ALDOC: variants seen among roughly 807,000 people sequenced by gnomAD.
ALDOC encodes the protein fructose-bisphosphate aldolase C.
A neutral mutation model predicts 39.5 loss-of-function variants in ALDOC; 23 were observed. The ratio of observed to expected loss-of-function variants is 0.58; its 90% CI spans 0.42 to 0.82. The LOEUF (loss-of-function observed/expected upper bound fraction) is 0.82. Ranked by LOEUF, ALDOC falls within the 40% of genes least tolerant of loss-of-function variation. The pLI is 0.00. For missense variants in ALDOC, 356 were observed against 479.1 expected, an observed-to-expected ratio of 0.74 and a Z score of 2.40; for synonymous variants, 160 against 182.6, an observed-to-expected ratio of 0.88 and a Z score of 1.00.
At chr17:28,574,925 T>C (rs780542321) in intron 4 of ALDOC, 27 bp downstream of exon 4, 2 of 1,614,218 alleles carry the variant, frequency 1.2e-6, no homozygotes, top group Non-Finnish European at 1.7e-6. Flanking sequence ...AACACCTCTT[T>C]GGTCCTCAAG....
At chr17:28,576,004 C>A (rs1318651388) in intron 1 of ALDOC, 2 of 1,002,484 alleles carry the variant, frequency 2.0e-6, no homozygotes, top group Admixed American at 5.3e-5. Flanking sequence ...CTTATTGCCA[C>A]CCTCTTCTCT....
rs2070455984 is a variant in ALDOC at position 28,573,860 on chromosome 17, G to T, written c.874C>A (p.Leu292Ile). ...FNLNAINRCP[L>I]PRPWALTFSY... ...AAGGTAAGCGCCCAGGGTCGGGGAA[G>T]GGGGCAGCGGTTGATGGCATTGAGG... The change falls in exon 8 of 9, where the codon CTT becomes ATT. Residue 292 changes from leucine to isoleucine, a missense_variant. Physicochemically the swap from Leu to Ile is conservative, Grantham distance 5. Coordinates refer to ENST00000226253, the MANE Select transcript of ALDOC (RefSeq NM_005165.3). The surrounding 1 kb of genome is among the most constrained non-coding windows in gnomAD (Gnocchi z 4.3). The T allele has an allele frequency of 1.2e-6, 2 of 1,614,254 alleles. No individual in the cohort carries two copies. The highest frequency in any genetic ancestry group is 1.7e-6 in the Non-Finnish European group (2 of 1,180,034).
Position 28,574,719 on chromosome 17 carries a change from G to C in ALDOC, c.517C>G (p.Arg173Gly). 6.2e-7 allele frequency: 1 copy of C among 1,614,172 alleles called. No individual in the cohort carries two copies. Among genetic ancestry groups the C allele is most frequent in the Non-Finnish European group, 8.5e-7 (1 of 1,180,028 alleles). The change falls in exon 5 of 9, where the codon CGT becomes GGT. Residue 173 changes from arginine (R) to glycine (G), a missense_variant. By Grantham distance (125) the Arg-to-Gly change is moderately radical. Transcript: ENST00000226253. ...AILENANVLA[R>G]YASICQQNGI... ...ACCTGCTGGCAGATACTGGCATAAC[G>C]GGCCAGCACGTTGGCGTTCTCCAGA...
chr17:28,575,760 C>A lies in ALDOC; in HGVS notation c.-12-216G>T. 2 of 693,406 alleles carry A rather than the reference C, an allele frequency of 2.9e-6. No individual in the cohort carries two copies. Among genetic ancestry groups the A allele is most frequent in the Non-Finnish European group, 4.6e-6 (2 of 438,732 alleles). 43.0% of individuals were successfully genotyped at this position (693,406 alleles called of 1,614,324 possible). On this transcript the variant is annotated intron_variant, in intron 1 of 8. Transcript: ENST00000226253. This position sits in a 1 kb window ranked among gnomAD's most constrained non-coding sequence, Gnocchi z 4.3. ...CCTTTTGTCCCTGGTAGGCATCCTT[C>A]CCAGCCCTGGGGAAAGATGCAGGGT...
rs2070450885 is a variant in ALDOC at position 28,573,442 on chromosome 17, G to T, written c.*84C>A. 5 of 1,238,090 alleles carry T rather than the reference G, an allele frequency of 4.0e-6. No individual in the cohort carries two copies. The highest frequency in any genetic ancestry group is 3.0e-5 in the African/African-American group (2 of 67,664). The allele number at this position is 1,238,090 out of a possible 1,614,324, so 76.7% of individuals were successfully genotyped here. A position where few individuals can be genotyped will look rare whatever the true frequency, so the allele number is the denominator to read the frequency against. ...TGCCAGGTGAAGGCATCTCTGCTCT[G>T]CATAGCTATTTGGCCCTGGCCATGA... On this transcript the variant is annotated 3_prime_UTR_variant, in exon 9 of 9. Coordinates refer to ENST00000226253, the MANE Select transcript of ALDOC (RefSeq NM_005165.3). The surrounding 1 kb of genome is among the most constrained non-coding windows in gnomAD (Gnocchi z 4.3).
Position 28,573,969 on chromosome 17 carries a change from A to G in ALDOC, c.800-35T>C. The stretch of plus-strand genomic sequence containing the variant: ...AGGAGAGAAGACAAACTGACTGGTC[A>G]CTCCCAATTTTTCCAGGATAGGGAA... On this transcript the variant is annotated intron_variant, in intron 7 of 8. Coordinates refer to ENST00000226253, the MANE Select transcript of ALDOC (RefSeq NM_005165.3). This position sits in a 1 kb window ranked among gnomAD's most constrained non-coding sequence, Gnocchi z 4.3. The G allele has an allele frequency of 6.2e-7, 1 of 1,612,794 alleles. No individual in the cohort carries two copies. The highest frequency in any genetic ancestry group is 8.5e-7 in the Non-Finnish European group (1 of 1,179,132).
rs752045255 is a variant in ALDOC at position 28,575,456 on chromosome 17, G to A, written c.77C>T (p.Pro26Leu). Residue 26 changes from proline to leucine, a missense_variant, in exon 2 of 9, where the codon CCG (proline) becomes CTG (leucine). By Grantham distance (98) the Pro-to-Leu change is moderately conservative. Transcript: ENST00000226253. This position sits in a 1 kb window ranked among gnomAD's most constrained non-coding sequence, Gnocchi z 4.3. ...LSDIALRIVAPGKGILAADES... is the reference protein window; with the variant it reads ...LSDIALRIVALGKGILAADES... ...ATCCGCAGCCAGAATGCCTTTGCCC[G>A]GGGCTACAATCCGCAGGGCAATGTC... is the stretch of plus-strand genomic sequence containing the variant. 41 of 1,614,096 alleles carry A rather than the reference G, an allele frequency of 2.5e-5. No individual in the cohort carries two copies. The Middle Eastern group carries it at 4.9e-4, about 19-fold the overall frequency.
Position 28,573,172 on chromosome 17 carries a change from G to A in ALDOC, c.*354C>T. 2.5e-6 allele frequency: 1 copy of A among 396,996 alleles called. No individual in the cohort carries two copies. The allele number at this position is 396,996 out of a possible 1,614,324, so 24.6% of individuals were successfully genotyped here. A position where few individuals can be genotyped will look rare whatever the true frequency, so the allele number is the denominator to read the frequency against. On this transcript the variant is annotated 3_prime_UTR_variant, in exon 9 of 9. Transcript: ENST00000226253. This position sits in a 1 kb window ranked among gnomAD's most constrained non-coding sequence, Gnocchi z 4.3. The stretch of plus-strand genomic sequence containing the variant: ...GGTATGTACTCAAGGCATGAGTCAG[G>A]GCTTCTGTACTACCCTCTGATCCCA...
chr17:28,574,646 C>A (rs1411078215), intron 5 of ALDOC, 50 bp downstream of exon 5: 9 of 1,613,592 alleles, frequency 5.6e-6, no homozygotes, highest in Non-Finnish European at 7.6e-6. Context: ...TGACTCTCTC[C>A]CCACCAGGCA....
chr17:28,574,648 C>T (rs948662159), intron 5 of ALDOC, 48 bp downstream of exon 5: 5 of 1,613,694 alleles, frequency 3.1e-6, no homozygotes, highest in Non-Finnish European at 4.2e-6. Context: ...ACTCTCTCCC[C>T]ACCAGGCATA....
chr17:28,573,816 C>A lies in ALDOC; in HGVS notation c.918G>T (p.Leu306=). 6.2e-7 allele frequency: 1 copy of A among 1,614,222 alleles called. No homozygotes were observed. The highest frequency in any genetic ancestry group is 8.5e-7 in the Non-Finnish European group (1 of 1,180,028). Reference sequence around the variant, plus strand: ...GCCAGGCATTGAGTGCAGAGGCTTGCAGGGCACGCCCATAGGAGAAGGTAA... The same window carrying A: ...GCCAGGCATTGAGTGCAGAGGCTTGAAGGGCACGCCCATAGGAGAAGGTAA... The part of the protein sequence containing the change: ...WALTFSYGRA[L]QASALNAWRG... The change falls in exon 8 of 9, where the codon CTG becomes CTT. Residue 306 remains leucine, a synonymous_variant. Coordinates refer to ENST00000226253, the MANE Select transcript of ALDOC (RefSeq NM_005165.3). The surrounding 1 kb of genome is among the most constrained non-coding windows in gnomAD (Gnocchi z 4.3).
rs1470369511 is a variant in ALDOC at position 28,573,182 on chromosome 17, C to G, written c.*344G>C. ...CAAGGCATGAGTCAGGGCTTCTGTA[C>G]TACCCTCTGATCCCAGGAGACAGGG... On this transcript the variant is annotated 3_prime_UTR_variant, in exon 9 of 9. Transcript: ENST00000226253. This position sits in a 1 kb window ranked among gnomAD's most constrained non-coding sequence, Gnocchi z 4.3. 1 of 431,892 alleles carries G rather than the reference C, an allele frequency of 2.3e-6. No individual in the cohort carries two copies. The highest frequency in any genetic ancestry group is 4.3e-6 in the Non-Finnish European group (1 of 231,544). The allele number at this position is 431,892 out of a possible 1,614,324, so 26.8% of individuals were successfully genotyped here. A position where few individuals can be genotyped will look rare whatever the true frequency, so the allele number is the denominator to read the frequency against.
chr17:28,574,689 C>T lies in ALDOC; in HGVS notation c.540+7G>A. 6.2e-7 allele frequency: 1 copy of T among 1,614,176 alleles called. No individual in the cohort carries two copies. On this transcript the variant is annotated splice_region_variant and intron_variant, in intron 5 of 8. Transcript: ENST00000226253. Reference sequence around the variant, plus strand: ...CACCTAGCTCACCACCCTCCCAACACACACACCTGCTGGCAGATACTGGCA... The same window carrying T: ...CACCTAGCTCACCACCCTCCCAACATACACACCTGCTGGCAGATACTGGCA...
Position 28,573,884 on chromosome 17 carries a change from G to C in ALDOC, c.850C>G (p.Leu284Val). The C allele has an allele frequency of 1.2e-6, 2 of 1,614,220 alleles. No individual in the cohort carries two copies. Among genetic ancestry groups the C allele is most frequent in the Non-Finnish European group, 1.7e-6 (2 of 1,180,042 alleles). ...AGGGGGCAGCGGTTGATGGCATTGA[G>C]GTTGAATGATGCCTCTTCTTCGCTC... Reference protein sequence around the residue: ...GQSEEEASFNLNAINRCPLPR... With the variant: ...GQSEEEASFNVNAINRCPLPR... Residue 284 changes from leucine to valine, a missense_variant, in exon 8 of 9, where the codon CTC becomes GTC. Transcript: ENST00000226253. The surrounding 1 kb of genome is among the most constrained non-coding windows in gnomAD (Gnocchi z 4.3).
chr17:28,573,829 TA>T lies in ALDOC; in HGVS notation c.904del (p.Tyr302MetfsTer33). The T allele has an allele frequency of 6.2e-7, 1 of 1,614,160 alleles. No individual in the cohort carries two copies. Among genetic ancestry groups the T allele is most frequent in the African/African-American group, 1.3e-5 (1 of 75,028 alleles). ...TGCAGAGGCTTGCAGGGCACGCCCA[TA>T]GGAGAAGGTAAGCGCCCAGGGTCGG... Reference protein sequence around the residue: ...LPRPWALTFSYGRALQASALN... With the variant: ...LPRPWALTFSXGRALQASALN... On this transcript the variant is annotated frameshift_variant, in exon 8 of 9. Transcript: ENST00000226253. LOFTEE classifies it high-confidence loss of function. The surrounding 1 kb of genome is among the most constrained non-coding windows in gnomAD (Gnocchi z 4.3).
rs1403966489 is a variant in ALDOC, at chr17:28,574,493, CCTT to C, written c.622_624del (p.Lys208del). 6.2e-7 allele frequency: 1 copy of C among 1,614,060 alleles called. No homozygotes were observed. Among genetic ancestry groups the C allele is most frequent in the South Asian group, 1.1e-5 (1 of 91,074 alleles). ...GTTTGTGTGCCCAGGTGTGGACTCACCTTCTCTGTAACATACTGACAACGTTTG... is the reference window on the plus strand; with the variant it reads ...GTTTGTGTGCCCAGGTGTGGACTCACCTCTGTAACATACTGACAACGTTTG... On this transcript the variant is annotated inframe_deletion and splice_region_variant, in exon 6 of 9. Transcript: ENST00000226253.
chr17:28,576,735 T>C (rs953490339), intron 1 of ALDOC, 66 bp downstream of exon 1: 60 of 960,320 alleles, frequency 6.2e-5, no homozygotes, highest in Non-Finnish European at 7.1e-5. Context: ...AGGACGAGGA[T>C]GGCAGGGGAA....
In ALDOC at chr17:28,574,827, G is replaced by C; in HGVS notation, c.409C>G (p.Gln137Glu). The C allele has an allele frequency of 1.2e-6, 2 of 1,614,164 alleles. No homozygotes were observed. The highest frequency in any genetic ancestry group is 2.2e-5 in the South Asian group (2 of 91,088). ...AAGTCAGCACCATCCTTCTTGTATT[G>C]GGCACAGCGTTCTGAGAGCCCATCC... ...GLDGLSERCA[Q>E]YKKDGADFAK... The change falls in exon 5 of 9, where the codon CAA (glutamine) becomes GAA (glutamate). Residue 137 changes from glutamine (Q) to glutamate (E), a missense_variant. By Grantham distance (29) the Gln-to-Glu change is conservative. Coordinates refer to ENST00000226253, the MANE Select transcript of ALDOC (RefSeq NM_005165.3).
In ALDOC at chr17:28,573,214, A is replaced by C; in HGVS notation, c.*312T>G. 2.1e-6 allele frequency: 1 copy of C among 478,948 alleles called. No homozygotes were observed. The highest frequency in any genetic ancestry group is 3.9e-5 in the East Asian group (1 of 25,356). 29.7% of individuals were successfully genotyped at this position (478,948 alleles called of 1,614,324 possible). On this transcript the variant is annotated 3_prime_UTR_variant, in exon 9 of 9. Transcript: ENST00000226253. This position sits in a 1 kb window ranked among gnomAD's most constrained non-coding sequence, Gnocchi z 4.3. ...CTGATCCCAGGAGACAGGGCAGGCA[A>C]GAAGGAGAGCCCAGGGAGAAGCTAC...
Sources: allele counts gnomAD v4.1 joint callset, GRCh38; gene constraint gnomAD v4.1.1; non-coding constraint Gnocchi (gnomAD v3.1); transcripts MANE v1.5; gene names NCBI Gene and HGNC (gene_info 2026-07-23, HGNC 2026-07-21).